Variants in ABCB11 observed in about 807,000 individuals in gnomAD.
ABCB11 encodes bile salt export pump.
ABCB11 carries 95 observed loss-of-function variants against 148.0 expected under a neutral mutation model. The ratio of observed to expected loss-of-function variants is 0.64; its 90% confidence interval spans 0.54 to 0.76. The LOEUF is 0.76. ABCB11 is among the 30% of genes least tolerant of loss of function. ABCB11 has a pLI of 0.00. For missense variants in ABCB11, 1,523 were observed against 1,617.8 expected (o/e 0.94, Z 1.01); for synonymous variants, 591 against 555.4 (o/e 1.06, Z -0.90).
chr2:169,029,647 T>A (rs989141686), intron 1 of ABCB11, among the ~76,000 whole-genome samples: 2 of 151,710 alleles, frequency 1.3e-5, no homozygotes, highest in Non-Finnish European at 2.9e-5. Flanking sequence ...AAAGAATTGC[T>A]TAGGAAGAAA....
At chr2:168,939,021 C>G (rs1691952687) in intron 21 of ABCB11, among the ~76,000 whole-genome samples, 1 of 151,892 alleles carries the variant, frequency 6.6e-6, no homozygotes, top group South Asian at 2.1e-4. Flanking sequence ...TATAGGAACA[C>G]TTTAAAAAAT....
At position 168,932,545 on chromosome 2, in the gene ABCB11, C is replaced by T. The variant is rs748204442; in HGVS notation, c.3057-12G>A. 1.4e-5 allele frequency: 22 copies of T among 1,612,174 alleles called. No individual in the cohort carries two copies. Among genetic ancestry groups the T allele is most frequent in the Non-Finnish European group, 1.9e-5 (22 of 1,179,148 alleles). On this transcript the variant is annotated splice_polypyrimidine_tract_variant and intron_variant, in intron 23 of 27. Coordinates refer to ENST00000650372, the MANE Select transcript of ABCB11 (RefSeq NM_003742.4). Reference sequence around the variant, plus strand: ...CTGCAGAGATCACCCTGTAACCAGACAGACACACAGGAAGAGAGCAGGGTG... The same window carrying T: ...CTGCAGAGATCACCCTGTAACCAGATAGACACACAGGAAGAGAGCAGGGTG...
chr2:168,968,452 T>C lies in ABCB11; in HGVS notation c.2050A>G (p.Arg684Gly), dbSNP rs1693414278. The C allele has an allele frequency of 5.6e-6, 9 of 1,611,284 alleles. No individual in the cohort carries two copies. Among genetic ancestry groups the C allele is most frequent in the Admixed American group, 3.3e-5 (2 of 59,756 alleles). Residue 684 changes from arginine to glycine, a missense_variant, in exon 17 of 28, where the codon AGA becomes GGA. Transcript: ENST00000650372. Reference sequence around the variant, plus strand: ...CTTAAACTATCCTGGTAGCTCCCTCTGCTAAAGGTCCTCGCAAGCATGTCA... The same window carrying C: ...CTTAAACTATCCTGGTAGCTCCCTCCGCTAAAGGTCCTCGCAAGCATGTCA... ...EDDMLARTFS[R>G]GSYQDSLRAS...
intron 12 of ABCB11, among the ~76,000 whole-genome samples, chr2:168,975,363 A>T (rs1693808363): frequency 2.9e-5 from 1 of 34,946 alleles, no homozygotes; most frequent in African/African-American, 1.4e-4. Flanking sequence ...AGATAAATAT[A>T]TAAATATATA....
intron 2 of ABCB11, 154 bp downstream of exon 2, chr2:169,017,896 G>C: frequency 1.3e-6 from 1 of 781,804 alleles, no homozygotes; most frequent in Non-Finnish European, 2.3e-6. Flanking sequence ...GGATTCTAGG[G>C]AGAGCCACAC....
chr2:168,964,367 A>G (rs374692144), intron 17 of ABCB11, 59 bp from the exon 18 acceptor site: 14 of 1,313,830 alleles, frequency 1.1e-5, no homozygotes, highest in African/African-American at 5.9e-5. Context: ...AGCAGGATCA[A>G]CTGGTGTCCA....
chr2:169,004,035 G>T (rs1279071787), intron 5 of ABCB11, among the ~76,000 whole-genome samples: 2 of 152,148 alleles, frequency 1.3e-5, no homozygotes, highest in African/African-American at 2.4e-5. Flanking sequence ...TATTCTGATA[G>T]GTTTTCCTTT....
At chr2:169,000,285 T>C (rs1169262975) in intron 5 of ABCB11, among the ~76,000 whole-genome samples, 2 of 152,118 alleles carry the variant, frequency 1.3e-5, no homozygotes, top group Non-Finnish European at 2.9e-5. Context: ...ACAGGATCTT[T>C]TACAAAGTTT....
chr2:168,934,058 C>T (rs78698897), intron 23 of ABCB11, among the ~76,000 whole-genome samples: 4,687 of 151,746 alleles, frequency 0.031, 221 homozygotes, highest in African/African-American at 0.11. Flanking sequence ...CCTGTAGCCC[C>T]AGATTTTTAC....
intron 18 of ABCB11, among the ~76,000 whole-genome samples, chr2:168,959,512 G>A (rs562067014): frequency 6.6e-6 from 1 of 151,660 alleles, no homozygotes. Flanking sequence ...TCCTTAAAAC[G>A]AGAGACTTGG....
chr2:168,953,506 G>A (rs1438541777), intron 19 of ABCB11, among the ~76,000 whole-genome samples: 1 of 149,482 alleles, frequency 6.7e-6, no homozygotes, highest in East Asian at 2.0e-4. Context: ...TATAAGTGTG[G>A]CTACTTTTGC....
chr2:168,951,115 A>G (rs1692548392), intron 19 of ABCB11, among the ~76,000 whole-genome samples: 1 of 151,530 alleles, frequency 6.6e-6, no homozygotes, highest in Non-Finnish European at 1.5e-5. Flanking sequence ...TGGGTTCTCT[A>G]TTCTGTTCCA....
chr2:169,025,071 C>T (rs1695656236), intron 1 of ABCB11, among the ~76,000 whole-genome samples: 1 of 151,892 alleles, frequency 6.6e-6, no homozygotes. Context: ...AAATAATAAA[C>T]AACATTTAAC....
intron 21 of ABCB11, among the ~76,000 whole-genome samples, chr2:168,939,469 A>T (rs1691971591): frequency 6.6e-6 from 1 of 152,108 alleles, no homozygotes; most frequent in African/African-American, 2.4e-5. Flanking sequence ...CACTACACAT[A>T]ATATGGTTAT....
intron 2 of ABCB11, chr2:169,017,813 G>C (rs1040727074): frequency 6.1e-6 from 4 of 657,498 alleles, no homozygotes; most frequent in Non-Finnish European, 1.1e-5. Context: ...TAGGAAAGGT[G>C]TTGGTGAGAG....
chr2:169,029,269 CTTTCT>C (rs1156552987), intron 1 of ABCB11, among the ~76,000 whole-genome samples: 2 of 93,720 alleles, frequency 2.1e-5, no homozygotes, highest in African/African-American at 4.3e-5. Flanking sequence ...GTTTTCTTTT[CTTTCT>C]TTTTTTTTTT....
intron 14 of ABCB11, 86 bp downstream of exon 14, chr2:168,971,761 A>G: frequency 8.0e-7 from 1 of 1,251,100 alleles, no homozygotes; most frequent in Admixed American, 1.8e-5. Flanking sequence ...CTTGGGAATC[A>G]TACGAGAAGA....
chr2:168,993,055 C>T (rs963433883), intron 8 of ABCB11, among the ~76,000 whole-genome samples: 8 of 151,742 alleles, frequency 5.3e-5, no homozygotes, highest in African/African-American at 1.5e-4. Flanking sequence ...ATATGTTGTC[C>T]AGGCCTCAAT....
chr2:168,957,874 A>G lies in ABCB11; in HGVS notation c.2343+90T>C, dbSNP rs1038876924. On this transcript the variant is annotated intron_variant, in intron 19 of 27. Transcript: ENST00000650372. ...TGAGAAAAATGAACTAACAGAAAAG[A>G]GCTAAATACATGAAAACAAAGAGCG... 11 of 1,214,090 alleles carry G rather than the reference A, an allele frequency of 9.1e-6. No individual in the cohort carries two copies. The African/African-American group carries it at 1.7e-4, about 19-fold the overall frequency. 75.2% of individuals were successfully genotyped at this position (1,214,090 alleles called of 1,614,324 possible).
Sources: gnomAD v4.1 joint callset for allele counts (sites outside exome capture counted in the v4.1 genomes callset) on GRCh38, gnomAD v4.1.1 for gene constraint, MANE v1.5 for transcripts, NCBI Gene and HGNC (gene_info 2026-07-23, HGNC 2026-07-21) for gene names.